Variants in EML6 observed in about 807,000 individuals in gnomAD.
EML6 encodes EMAP like 6.
EML6 carries 154 observed loss-of-function variants against 240.1 expected under a neutral mutation model. The ratio of observed to expected loss-of-function variants is 0.64; its 90% CI spans 0.56 to 0.73. The LOEUF is 0.73. EML6 is among the 30% of genes least tolerant of loss of function. The pLI, the probability that EML6 is intolerant of heterozygous loss-of-function variation, is 0.00. For synonymous variants in EML6, 1,148 were observed against 899.0 expected, an observed-to-expected ratio of 1.28 and a Z score of -4.95; for missense variants, 2,964 against 2,474.6, an observed-to-expected ratio of 1.20 and a Z score of -4.20.
At chr2:54,891,208 A>T in intron 18 of EML6, 54 bp downstream of exon 18, 2 of 880,126 alleles carry the variant, frequency 2.3e-6, no homozygotes, top group African/African-American at 3.3e-5. Context: ...CCCTAGCTGG[A>T]AAGAAAAACA....
At position 54,826,754 on chromosome 2, in the gene EML6, A is replaced by G. The variant is rs532090172; in HGVS notation, c.526-812A>G. On this transcript the variant is annotated intron_variant, in intron 5 of 41. Transcript: ENST00000356458. The stretch of plus-strand genomic sequence containing the variant: ...TTATGCAACTAAAACTGAAAAGCCG[A>G]GTCAATTATTTGGGTATATGGAAAT... 6.6e-5 allele frequency among the ~76,000 whole-genome samples: 10 copies of G among 152,358 alleles called. No individual in the cohort carries two copies. The South Asian group carries it at 1.0e-3, about 16-fold the overall frequency.
At chr2:54,812,947 CTA>C (rs1018349149) in intron 2 of EML6, among the ~76,000 whole-genome samples, 2 of 152,080 alleles carry the variant, frequency 1.3e-5, no homozygotes, top group African/African-American at 2.4e-5. Flanking sequence ...AATTATAAAA[CTA>C]TACAGACGAT....
chr2:54,849,613 C>T (rs1212474509), intron 9 of EML6, among the ~76,000 whole-genome samples: 2 of 152,152 alleles, frequency 1.3e-5, no homozygotes, highest in Admixed American at 6.5e-5. Flanking sequence ...CTCAGCCTCC[C>T]GATTAGCTGG....
chr2:54,811,594 A>G (rs1002280484), intron 2 of EML6, among the ~76,000 whole-genome samples: 7 of 151,262 alleles, frequency 4.6e-5, no homozygotes, highest in Non-Finnish European at 8.9e-5. Context: ...ATTTCTGTTT[A>G]TATGTCTATG....
chr2:54,963,229 A>G (rs1221530906), intron 36 of EML6, among the ~76,000 whole-genome samples: 2 of 152,234 alleles, frequency 1.3e-5, no homozygotes, highest in East Asian at 1.9e-4. Context: ...ACTTGGTTTC[A>G]TTTTAAAATG....
chr2:54,923,989 C>G (rs1674406747), intron 26 of EML6, among the ~76,000 whole-genome samples: 1 of 152,086 alleles, frequency 6.6e-6, no homozygotes, highest in Non-Finnish European at 1.5e-5. Flanking sequence ...GAGTAGAATT[C>G]CATTGTGTGG....
At chr2:54,893,854 G>T (rs1031155038) in intron 19 of EML6, among the ~76,000 whole-genome samples, 15 of 151,942 alleles carry the variant, frequency 9.9e-5, no homozygotes, top group Non-Finnish European at 1.9e-4. Context: ...GTTTTGTTTT[G>T]TTTTTTTATT....
chr2:54,889,925 G>T (rs556174100), intron 17 of EML6, among the ~76,000 whole-genome samples: 1 of 152,212 alleles, frequency 6.6e-6, no homozygotes, highest in Non-Finnish European at 1.5e-5. Flanking sequence ...TTAAAGAAAA[G>T]ATAATGACAC....
Position 54,863,893 on chromosome 2 carries a change from G to C in EML6, c.1932+4G>C. Reference sequence around the variant, plus strand: ...TCAAATCAATTATGATCGCCAGGTCGGTAAGCAGGGAGCAATGAAAATTTG... The same window carrying C: ...TCAAATCAATTATGATCGCCAGGTCCGTAAGCAGGGAGCAATGAAAATTTG... On this transcript the variant is annotated splice_donor_region_variant and intron_variant, in intron 13 of 41. Coordinates refer to ENST00000356458, the MANE Select transcript of EML6 (RefSeq NM_001039753.4). 6.7e-7 allele frequency: 1 copy of C among 1,494,242 alleles called. No homozygotes were observed. Among genetic ancestry groups the C allele is most frequent in the Non-Finnish European group, 9.1e-7 (1 of 1,100,158 alleles). The allele number at this position is 1,494,242 out of a possible 1,614,324, so 92.6% of individuals were successfully genotyped here.
At position 54,728,248 on chromosome 2, in the gene EML6, T is replaced by G. The variant is rs150697875; in HGVS notation, c.197+2990T>G. Reference sequence around the variant, plus strand: ...AGACTGGGATAATTACTAACTTGGTTTCTACTTTAGGTAGTAGAACATGAC... The same window carrying G: ...AGACTGGGATAATTACTAACTTGGTGTCTACTTTAGGTAGTAGAACATGAC... On this transcript the variant is annotated intron_variant, in intron 2 of 41. Transcript: ENST00000356458. Among the ~76,000 whole-genome samples the G allele has an allele frequency of 5.9e-5, 9 of 152,328 alleles. No homozygotes were observed. The East Asian group carries it at 1.7e-3, about 29-fold the overall frequency.
chr2:54,920,977 C>T (rs1024828065), intron 26 of EML6, among the ~76,000 whole-genome samples: 10 of 151,932 alleles, frequency 6.6e-5, no homozygotes, highest in African/African-American at 1.9e-4. Context: ...ATTAAAAACA[C>T]TTCAATTAGA....
At chr2:54,883,107 T>C (rs1671927279) in intron 17 of EML6, among the ~76,000 whole-genome samples, 1 of 151,988 alleles carries the variant, frequency 6.6e-6, no homozygotes, top group South Asian at 2.1e-4. Flanking sequence ...ATGATCATTA[T>C]AGAAAAATTA....
intron 2 of EML6, among the ~76,000 whole-genome samples, chr2:54,807,848 C>A (rs1325359089): frequency 6.6e-6 from 1 of 152,214 alleles, no homozygotes; most frequent in African/African-American, 2.4e-5. Context: ...CCAGTCTAAG[C>A]TGGCTCCAAT....
intron 2 of EML6, among the ~76,000 whole-genome samples, chr2:54,788,377 G>C (rs1669203995): frequency 6.6e-6 from 1 of 152,214 alleles, no homozygotes; most frequent in Admixed American, 6.5e-5. Flanking sequence ...CTGGACCCAG[G>C]TGAGAGAAGA....
chr2:54,900,067 G>T (rs181341979), intron 22 of EML6, among the ~76,000 whole-genome samples: 215 of 152,266 alleles, frequency 1.4e-3, no homozygotes, highest in African/African-American at 5.0e-3. Flanking sequence ...TGAGAGCTGT[G>T]GGAGTCAATT....
At chr2:54,892,321 C>T (rs949718882) in intron 18 of EML6, 133 bp from the exon 19 acceptor site, 25 of 634,036 alleles carry the variant, frequency 3.9e-5, no homozygotes, top group Non-Finnish European at 5.9e-5. Flanking sequence ...TCATGATGTT[C>T]TCTGTCACTT....
Position 54,895,277 on chromosome 2 carries a change from G to T in EML6, c.2859G>T (p.Leu953Phe). The change falls in exon 21 of 42, where the codon TTG becomes TTT. Residue 953 changes from leucine (L) to phenylalanine (F), a missense_variant. Leu to Phe is a conservative substitution (Grantham distance 22, BLOSUM62 0). Transcript: ENST00000356458. ...ATATACCATCCCCTTCCCCAGGCTT[G>T]CTTTTGGAAGATAACCCTTCAATTC... is the stretch of plus-strand genomic sequence containing the variant. ...RSALSTSSKG[L>F]LLEDNPSIRA... 1 of 1,551,626 alleles carries T rather than the reference G, an allele frequency of 6.4e-7. No homozygotes were observed. The highest frequency in any genetic ancestry group is 8.7e-7 in the Non-Finnish European group (1 of 1,146,866).
At chr2:54,770,685 T>G (rs1411616938) in intron 2 of EML6, among the ~76,000 whole-genome samples, 2 of 152,224 alleles carry the variant, frequency 1.3e-5, no homozygotes, top group East Asian at 3.8e-4. Context: ...ATGACCTCCA[T>G]GTTCACAAAT....
At chr2:54,796,783 A>G (rs1173977794) in intron 2 of EML6, among the ~76,000 whole-genome samples, 1 of 152,116 alleles carries the variant, frequency 6.6e-6, no homozygotes, top group Non-Finnish European at 1.5e-5. Context: ...GAATGCATAG[A>G]ACAAACCGTT....
Sources: allele counts gnomAD v4.1 joint callset (sites outside exome capture counted in the v4.1 genomes callset), GRCh38; gene constraint gnomAD v4.1.1; transcripts MANE v1.5; gene names NCBI Gene and HGNC (gene_info 2026-07-23, HGNC 2026-07-21).